Variants in SHF observed in about 807,000 individuals in gnomAD.
SHF encodes SH2 domain-containing adapter protein F.
In SHF, 30 loss-of-function variants were observed where a neutral mutation model predicts 42.4. That is an observed-to-expected ratio of 0.71 (90% CI 0.53 to 0.96). SHF has a LOEUF of 0.96. Ranked by LOEUF, SHF falls within the 40% of genes least tolerant of loss-of-function variation. The pLI is 0.00. For missense variants in SHF, 598 were observed against 634.0 expected, an observed-to-expected ratio of 0.94 and a Z score of 0.61; for synonymous variants, 264 against 269.9, an observed-to-expected ratio of 0.98 and a Z score of 0.21.
chr15:45,188,748 C>A (rs1038845587), upstream of SHF, among the ~76,000 whole-genome samples: 1 of 152,238 alleles, frequency 6.6e-6, no homozygotes, highest in Non-Finnish European at 1.5e-5. Context: ...CAGCCACATC[C>A]CGGGCTTCAT....
exon 2 of SHF, chr15:45,198,978 A>T: frequency 1.9e-6 from 3 of 1,613,348 alleles, no homozygotes; most frequent in Non-Finnish European, 8.5e-7. Flanking sequence ...CCCTTGGGGG[A>T]TGCCCGTTTC....
At chr15:45,176,922 C>T (rs932642398) in intron 2 of SHF, among the ~76,000 whole-genome samples, 2 of 152,194 alleles carry the variant, frequency 1.3e-5, no homozygotes, top group African/African-American at 4.8e-5. Flanking sequence ...CTCCTTCATT[C>T]TTCAAATCCC....
Position 45,178,291 on chromosome 15 carries a change from C to T in SHF, c.514G>A (p.Asp172Asn), listed in dbSNP as rs1196768680. ...TGAACATCAAACGGGTCCGCATAGTCTTCTAGGATAGCTAGCTGTGGGAGG... is the reference window on the plus strand; with the variant it reads ...TGAACATCAAACGGGTCCGCATAGTTTTCTAGGATAGCTAGCTGTGGGAGG... ...ASSDRLAILE[D>N]YADPFDVQET... The change falls in exon 2 of 7, where the codon GAC becomes AAC. Residue 172 changes from aspartate to asparagine, a missense_variant. This residue lies in a region of SHF where 439 missense variants were observed against 524.6 expected (regional missense o/e 0.84). Transcript: ENST00000690270. 1.7e-5 allele frequency: 28 copies of T among 1,613,096 alleles called. No individual in the cohort carries two copies. The highest frequency in any genetic ancestry group is 2.4e-5 in the Non-Finnish European group (28 of 1,179,612).
At position 45,187,819 on chromosome 15, in the gene SHF, C is replaced by CGCTGCCGCCCCCTCCTGGGCCG. The variant is rs1898526960; in HGVS notation, c.111_132dup (p.Gly45ArgfsTer117). The CGCTGCCGCCCCCTCCTGGGCCG allele has an allele frequency of 2.2e-6, 2 of 920,416 alleles. No homozygotes were observed. The highest frequency in any genetic ancestry group is 8.8e-5 in the Admixed American group (2 of 22,780). 57.0% of individuals were successfully genotyped at this position (920,416 alleles called of 1,614,324 possible). ...TCCCGGAGCCACTTGGCTACTCCGC[C>CGCTGCCGCCCCCTCCTGGGCCG]GCTGCCGCCCCCTCCTGGGCCGGCT... On this transcript the variant is annotated frameshift_variant, in exon 1 of 7. Coordinates refer to ENST00000690270, the MANE Select transcript of SHF (RefSeq NM_001394037.1). LOFTEE classifies it high-confidence loss of function.
intron 1 of SHF, among the ~76,000 whole-genome samples, chr15:45,182,552 A>G (rs892577035): frequency 1.3e-5 from 2 of 152,216 alleles, no homozygotes; most frequent in Admixed American, 6.5e-5. Context: ...AGCAGCAGAG[A>G]CAAGATAGGG....
In SHF at chr15:45,187,472, G is replaced by C; in HGVS notation, c.480C>G (p.Pro160=). The C allele has an allele frequency of 8.1e-7, 1 of 1,232,598 alleles. No individual in the cohort carries two copies. The highest frequency in any genetic ancestry group is 2.6e-4 in the Middle Eastern group (1 of 3,880). The allele number at this position is 1,232,598 out of a possible 1,614,324, so 76.4% of individuals were successfully genotyped here. A position where few individuals can be genotyped will look rare whatever the true frequency, so the allele number is the denominator to read the frequency against. The change falls in exon 1 of 7, where the codon CCC becomes CCG. Residue 160 remains proline, a synonymous_variant. Coordinates refer to ENST00000690270, the MANE Select transcript of SHF (RefSeq NM_001394037.1). Reference sequence around the variant, plus strand: ...CACTCACCCTATCGCTGCTGGCGGGGGGTCCGGAGATCCGCTCATCAGCAG... The same window carrying C: ...CACTCACCCTATCGCTGCTGGCGGGCGGTCCGGAGATCCGCTCATCAGCAG... ...APPADERISG[P]PASSDRLAIL... is the part of the protein sequence containing the mutation.
chr15:45,192,230 T>C (rs571019355), upstream of SHF, among the ~76,000 whole-genome samples: 148 of 151,036 alleles, frequency 9.8e-4, no homozygotes, highest in Admixed American at 3.5e-3. Context: ...TTCCTGAAAG[T>C]GTCTTTTATA....
At chr15:45,171,739 G>A in intron 6 of SHF, 144 bp downstream of exon 6, 1 of 812,386 alleles carries the variant, frequency 1.2e-6, no homozygotes, top group South Asian at 1.8e-5. Flanking sequence ...CAGGGGCTGA[G>A]TCTCAGACAT....
intron 2 of SHF, among the ~76,000 whole-genome samples, chr15:45,177,548 A>T (rs984677826): frequency 6.6e-6 from 1 of 151,568 alleles, no homozygotes; most frequent in African/African-American, 2.4e-5. Context: ...CCCCTCTCGG[A>T]CTCTCTCATC....
exon 2 of SHF, chr15:45,199,019 T>C (rs766819582): frequency 6.2e-7 from 1 of 1,608,708 alleles, no homozygotes. Context: ...CCGCGAACCC[T>C]CCAGGGTTCC....
rs143508835 is a variant in SHF at position 45,175,253 on chromosome 15, C to T, written c.813G>A (p.Glu271=). Reference sequence around the variant, plus strand: ...CTTTGGAAATCCGCTCCTTCTTCCACTCCCAGGGCTGGTCATACTCCTCAG... The same window carrying T: ...CTTTGGAAATCCGCTCCTTCTTCCATTCCCAGGGCTGGTCATACTCCTCAG... ...RPPEEYDQPW[E]WKKERISKAF... is the part of the protein sequence containing the mutation. Residue 271 remains glutamate, a synonymous_variant, in exon 3 of 7, where the codon GAG becomes GAA. Coordinates refer to ENST00000690270, the MANE Select transcript of SHF (RefSeq NM_001394037.1). The T allele has an allele frequency of 3.0e-5, 49 of 1,611,518 alleles. No individual in the cohort carries two copies. Among genetic ancestry groups the T allele is most frequent in the Non-Finnish European group, 3.8e-5 (45 of 1,179,280 alleles).
intron 2 of SHF, chr15:45,198,570 A>G (rs914235679): frequency 2.0e-5 from 11 of 556,882 alleles, no homozygotes; most frequent in Non-Finnish European, 3.3e-5. Context: ...AGGGGAAAAA[A>G]ATACCGAGCC....
intron 2 of SHF, among the ~76,000 whole-genome samples, chr15:45,195,206 T>C (rs1002222057): frequency 6.6e-6 from 1 of 152,252 alleles, no homozygotes; most frequent in African/African-American, 2.4e-5. Flanking sequence ...ACCTGATTTG[T>C]TGAGTACTTA....
At chr15:45,192,266 T>C (rs1898727136), upstream of SHF, among the ~76,000 whole-genome samples, 1 of 151,466 alleles carries the variant, frequency 6.6e-6, no homozygotes, top group African/African-American at 2.4e-5. Flanking sequence ...TATTTTGTTT[T>C]TGAAAAATCT....
In SHF at chr15:45,175,382, C is replaced by T. The variant is rs182618526; in HGVS notation, c.684G>A (p.Leu228=). 5.6e-6 allele frequency: 9 copies of T among 1,596,050 alleles called. No individual in the cohort carries two copies. The Admixed American group carries it at 1.2e-4, about 22-fold the overall frequency. ...SKETATQPLP[L]YDTPYEPEED... ...CCTCTGGCTCATAGGGTGTGTCATA[C>T]AGAGGCAAGGGCTGAGTTGCTGTCT... The change falls in exon 3 of 7, where the codon CTG becomes CTA. Residue 228 remains leucine (L), a synonymous_variant. Transcript: ENST00000690270.
chr15:45,192,816 C>T (rs1284209897), upstream of SHF, among the ~76,000 whole-genome samples: 1 of 152,200 alleles, frequency 6.6e-6, no homozygotes, highest in Non-Finnish European at 1.5e-5. Context: ...GGCCAATTGT[C>T]ATGTAGGATG....
At chr15:45,200,460 G>A (rs1304413825) in intron 1 of SHF, 2 of 324,622 alleles carry the variant, frequency 6.2e-6, no homozygotes, top group East Asian at 7.5e-5. Context: ...ACAACGCAGA[G>A]TACTAACCAC....
At position 45,172,301 on chromosome 15, in the gene SHF, C is replaced by T; in HGVS notation, c.1006G>A (p.Glu336Lys). ...CGGCCAGGTGACAGGCAGCTCTTCT[C>T]CGGTCCTTCAAACTGGGCTGTGGGG... Reference protein sequence around the residue: ...EDSSAQFEGPEKSCLSPGREE... With the variant: ...EDSSAQFEGPKKSCLSPGREE... Residue 336 changes from glutamate to lysine, a missense_variant, in exon 5 of 7, where the codon GAG becomes AAG. Transcript: ENST00000690270. 1 of 1,606,366 alleles carries T rather than the reference C, an allele frequency of 6.2e-7. No homozygotes were observed. Among genetic ancestry groups the T allele is most frequent in the Non-Finnish European group, 8.5e-7 (1 of 1,175,920 alleles).
At chr15:45,184,978 C>T (rs974006159) in intron 1 of SHF, among the ~76,000 whole-genome samples, 5 of 152,242 alleles carry the variant, frequency 3.3e-5, no homozygotes, top group Non-Finnish European at 7.3e-5. Flanking sequence ...GGCTAATGGT[C>T]CTGAACCCCC....
Sources: gnomAD v4.1 joint callset for allele counts (sites outside exome capture counted in the v4.1 genomes callset) on GRCh38, gnomAD v4.1.1 for gene constraint, gnomAD v4.1.1 regional missense constraint, MANE v1.5 for transcripts, NCBI Gene and HGNC (gene_info 2026-07-23, HGNC 2026-07-21) for gene names.